Variants in DLEC1 observed in about 807,000 individuals in gnomAD.
The protein encoded by DLEC1 is deleted in lung and esophageal cancer protein 1.
A neutral mutation model predicts 198.1 loss-of-function variants in DLEC1; 146 were observed. The ratio of observed to expected loss-of-function variants is 0.74; its 90% CI spans 0.64 to 0.85. The LOEUF is 0.85. Among genes scored for constraint, DLEC1 ranks in the 40% least tolerant of loss-of-function variants. DLEC1 has a pLI of 0.00. For synonymous variants in DLEC1, 897 were observed against 866.8 expected (o/e 1.03, Z -0.61); for missense variants, 2,233 against 2,220.0 (o/e 1.01, Z -0.12).
At position 38,122,273 on chromosome 3, in the gene DLEC1, C is replaced by G. The variant is rs577658472; in HGVS notation, c.5145-16C>G. On this transcript the variant is annotated splice_polypyrimidine_tract_variant and intron_variant, in intron 36 of 36. Transcript: ENST00000308059. ...CCAGGTGCCTCCTAACCTCAGCCCCCACATGCTCCCCACAGGAGTAGTGAG... is the reference window on the plus strand; with the variant it reads ...CCAGGTGCCTCCTAACCTCAGCCCCGACATGCTCCCCACAGGAGTAGTGAG... 1.2e-6 allele frequency: 2 copies of G among 1,608,360 alleles called. No homozygotes were observed. The highest frequency in any genetic ancestry group is 2.2e-5 in the East Asian group (1 of 44,776).
At chr3:38,084,362 AGTAGTAGTAGTGATGGTGGTAGTAGTG>A in intron 7 of DLEC1, 117 bp downstream of exon 7, 1 of 676,712 alleles carries the variant, frequency 1.5e-6, no homozygotes, top group Admixed American at 3.2e-5. Context: ...TGGTGGTGGT[AGTAGTAGTAGTGATGGTGGTAGTAGTG>A]GTAGTAGTAG....
At chr3:38,059,977 G>A (rs1696595561) in intron 3 of DLEC1, 125 bp downstream of exon 3, 1 of 783,826 alleles carries the variant, frequency 1.3e-6, no homozygotes, top group Admixed American at 2.7e-5. Context: ...TAATTTCGAT[G>A]GTGACTGTTG....
chr3:38,101,597 A>G (rs1699309347), intron 19 of DLEC1, among the ~76,000 whole-genome samples: 1 of 151,988 alleles, frequency 6.6e-6, no homozygotes, highest in Non-Finnish European at 1.5e-5. Context: ...GCTCATTTAA[A>G]TCTCTGTGGA....
rs765710557 is a variant in DLEC1, at chr3:38,123,280, C to A, written c.*868C>A. 6.1e-6 allele frequency: 4 copies of A among 660,722 alleles called. No individual in the cohort carries two copies. The highest frequency in any genetic ancestry group is 1.1e-5 in the Non-Finnish European group (4 of 370,114). The allele number at this position is 660,722 out of a possible 1,614,324, so 40.9% of individuals were successfully genotyped here. On this transcript the variant is annotated 3_prime_UTR_variant, in exon 37 of 37. Transcript: ENST00000308059. ...CTGGCCTCCCACTTGGGCACACACA[C>A]GGTGACAGATGCCCACTGCAGGCTA...
chr3:38,064,294 C>A (rs910925278), intron 6 of DLEC1, among the ~76,000 whole-genome samples: 7 of 152,088 alleles, frequency 4.6e-5, no homozygotes, highest in African/African-American at 1.7e-4. Flanking sequence ...CCTGAGTGGA[C>A]AGAGCACATG....
Position 38,097,492 on chromosome 3 carries a change from T to C in DLEC1, c.2435-15T>C. The C allele has an allele frequency of 2.5e-6, 4 of 1,613,928 alleles. No individual in the cohort carries two copies. Among genetic ancestry groups the C allele is most frequent in the South Asian group, 1.1e-5 (1 of 91,052 alleles). The stretch of plus-strand genomic sequence containing the variant: ...TGCTTCTCCTCTCCACCTCTCCCTT[T>C]CCCTCTCTTCTCAGAGCCCAGTGAG... On this transcript the variant is annotated splice_polypyrimidine_tract_variant and intron_variant, in intron 16 of 36. Coordinates refer to ENST00000308059, the MANE Select transcript of DLEC1 (RefSeq NM_007335.4).
At chr3:38,074,970 AG>A (rs1697526645) in intron 6 of DLEC1, among the ~76,000 whole-genome samples, 1 of 152,116 alleles carries the variant, frequency 6.6e-6, no homozygotes, top group Non-Finnish European at 1.5e-5. Flanking sequence ...GGTGGGGAAA[AG>A]CTAGTCGCAG....
At chr3:38,089,431 C>A (rs1316211108) in intron 10 of DLEC1, among the ~76,000 whole-genome samples, 1 of 152,186 alleles carries the variant, frequency 6.6e-6, no homozygotes, top group African/African-American at 2.4e-5. Flanking sequence ...TTTCAAGTGC[C>A]CAGTAGGTTC....
rs955007560 is a variant in DLEC1 at position 38,085,411 on chromosome 3, C to G, written c.1399C>G (p.Pro467Ala). 6.8e-6 allele frequency: 11 copies of G among 1,613,954 alleles called. No homozygotes were observed. The Admixed American group carries it at 1.0e-4, about 15-fold the overall frequency. Residue 467 changes from proline (P) to alanine (A), a missense_variant, in exon 8 of 37, where the codon CCC becomes GCC. Transcript: ENST00000308059. Reference sequence around the variant, plus strand: ...CCAGTCAGCCCACACACTTCTGATCCCCCTGCAGGCCCGGAGGCCGCCCCC... The same window carrying G: ...CCAGTCAGCCCACACACTTCTGATCGCCCTGCAGGCCCGGAGGCCGCCCCC... ...ETQSAHTLLI[P>A]LQARRPPPVL... is the part of the protein sequence containing the mutation.
At chr3:38,067,752 CTTT>C (rs34213412) in intron 6 of DLEC1, among the ~76,000 whole-genome samples, 2 of 123,732 alleles carry the variant, frequency 1.6e-5, no homozygotes. Flanking sequence ...AGTATCTGCA[CTTT>C]TTTTTTTTTT....
intron 6 of DLEC1, among the ~76,000 whole-genome samples, chr3:38,069,262 A>G (rs969038151): frequency 1.3e-5 from 2 of 152,190 alleles, no homozygotes; most frequent in African/African-American, 2.4e-5. Flanking sequence ...TTTCCACAAA[A>G]AGAAACACCA....
At chr3:38,110,569 G>C (rs1699811791) in intron 23 of DLEC1, among the ~76,000 whole-genome samples, 1 of 152,212 alleles carries the variant, frequency 6.6e-6, no homozygotes, top group Non-Finnish European at 1.5e-5. Flanking sequence ...TGTAGTGAGG[G>C]AGAGGTTACT....
In DLEC1 at chr3:38,086,346, C is replaced by G. The variant is rs199946277; in HGVS notation, c.1541C>G (p.Pro514Arg). The G allele has an allele frequency of 6.2e-7, 1 of 1,610,644 alleles. No individual in the cohort carries two copies. The highest frequency in any genetic ancestry group is 8.5e-7 in the Non-Finnish European group (1 of 1,178,394). Residue 514 changes from proline (P) to arginine (R), a missense_variant, in exon 9 of 37, where the codon CCC becomes CGC. Physicochemically the swap from Pro to Arg is moderately radical, Grantham distance 103 (BLOSUM62 -2). Transcript: ENST00000308059. Reference sequence around the variant, plus strand: ...AGTGTTGGCAGGTTCTGCATTATGCCCAAAACAAGCTGGCCACCACTAAGT... The same window carrying G: ...AGTGTTGGCAGGTTCTGCATTATGCGCAAAACAAGCTGGCCACCACTAAGT... ...GFSVGRFCIM[P>R]KTSWPPLSFK...
intron 6 of DLEC1, among the ~76,000 whole-genome samples, chr3:38,067,906 C>T (rs376645987): frequency 6.6e-6 from 1 of 152,040 alleles, no homozygotes; most frequent in African/African-American, 2.4e-5. Context: ...GTACGCACCA[C>T]CACGCCTGGC....
chr3:38,117,722 G>A, intron 32 of DLEC1, 84 bp from the exon 33 acceptor site: 1 of 1,499,406 alleles, frequency 6.7e-7, no homozygotes, highest in Non-Finnish European at 9.2e-7. Context: ...CCCTCCCCCA[G>A]CCCTCCCAGC....
At position 38,059,856 on chromosome 3, in the gene DLEC1, A is replaced by G. The variant is rs773212985; in HGVS notation, c.673+4A>G. On this transcript the variant is annotated splice_donor_region_variant and intron_variant, in intron 3 of 36. Coordinates refer to ENST00000308059, the MANE Select transcript of DLEC1 (RefSeq NM_007335.4). ...CCGTTTCACTCTGCACCTAAAGGTA[A>G]TGCTTCTGTGCTCTCAAGGCCTCTG... The G allele has an allele frequency of 3.1e-6, 5 of 1,613,234 alleles. No individual in the cohort carries two copies. The African/African-American group carries it at 5.3e-5, about 17-fold the overall frequency.
chr3:38,070,923 A>G (rs1245508522), intron 6 of DLEC1, among the ~76,000 whole-genome samples: 1 of 152,206 alleles, frequency 6.6e-6, no homozygotes, highest in Non-Finnish European at 1.5e-5. Context: ...CCTTGGGCTC[A>G]GAGGCCTGAC....
chr3:38,117,493 C>T (rs375231444), intron 31 of DLEC1, 34 bp from the exon 32 acceptor site: 44 of 1,613,756 alleles, frequency 2.7e-5, no homozygotes, highest in Non-Finnish European at 3.6e-5. Context: ...CCCCAGGCGC[C>T]CGGCTTGCCC....
At chr3:38,117,641 C>G in intron 32 of DLEC1, 30 bp downstream of exon 32, 1 of 1,613,846 alleles carries the variant, frequency 6.2e-7, no homozygotes, top group Non-Finnish European at 8.5e-7. Context: ...CTGGCCCTGC[C>G]AGCTTACCTG....
Sources: gnomAD v4.1 joint callset for allele counts (sites outside exome capture counted in the v4.1 genomes callset) on GRCh38, gnomAD v4.1.1 for gene constraint, MANE v1.5 for transcripts, NCBI Gene and HGNC (gene_info 2026-07-23, HGNC 2026-07-21) for gene names.